Variants in SNX24 observed in about 807,000 individuals in gnomAD.
The protein encoded by SNX24 is sorting nexin-24.
In SNX24, 22 loss-of-function variants were observed where a neutral mutation model predicts 28.7. The observed-to-expected ratio is 0.77, with a 90% CI of 0.55 to 1.10. The LOEUF is 1.10. SNX24 is among the 50% of genes least tolerant of loss of function. The pLI is 0.00. For synonymous variants in SNX24, 69 were observed against 71.5 expected (o/e 0.96, Z 0.18); for missense variants, 221 against 201.1 (o/e 1.10, Z -0.60).
At position 123,001,458 on chromosome 5, in the gene SNX24, G is replaced by T. The variant is rs1228429414; in HGVS notation, c.377+21G>T. 3.9e-6 allele frequency: 6 copies of T among 1,535,324 alleles called. No homozygotes were observed. The African/African-American group carries it at 8.2e-5, about 21-fold the overall frequency. On this transcript the variant is annotated intron_variant, in intron 5 of 6. Coordinates refer to ENST00000261369, the MANE Select transcript of SNX24 (RefSeq NM_014035.4). ...TCAAGGTAAGGACTAATCCTCATCA[G>T]CCAGGAATAGGATTATGGTTTTGCT... is the stretch of plus-strand genomic sequence containing the variant.
chr5:122,910,429 A>T (rs1026584969), intron 1 of SNX24, among the ~76,000 whole-genome samples: 1 of 152,150 alleles, frequency 6.6e-6, no homozygotes, highest in Non-Finnish European at 1.5e-5. Flanking sequence ...TGCTCCTCCA[A>T]GGCCCAGCCT....
chr5:122,999,455 T>TAC (rs71928842), intron 3 of SNX24, among the ~76,000 whole-genome samples: 33,917 of 149,438 alleles, frequency 0.23, 4,196 homozygotes, highest in Non-Finnish European at 0.31. Context: ...TGTGGGGAGA[T>TAC]ACACACACAC....
intron 3 of SNX24, among the ~76,000 whole-genome samples, chr5:122,993,813 A>G (rs141250347): frequency 1.1e-3 from 169 of 152,334 alleles, no homozygotes; most frequent in South Asian, 7.9e-3. Flanking sequence ...TTTTAGCCGT[A>G]TCTCTGAAGT....
chr5:123,019,938 T>A (rs2150186731), intron 5 of SNX24, among the ~76,000 whole-genome samples: 1 of 152,384 alleles, frequency 6.6e-6, no homozygotes, highest in Non-Finnish European at 1.5e-5. Context: ...GGGATGTCCT[T>A]AGCTCTTGGT....
chr5:122,937,235 A>G (rs1759218208), intron 2 of SNX24, among the ~76,000 whole-genome samples: 1 of 152,234 alleles, frequency 6.6e-6, no homozygotes, highest in Non-Finnish European at 1.5e-5. Flanking sequence ...AAAAGATCAT[A>G]TACATGTACT....
chr5:122,939,925 A>G (rs1264848258), intron 2 of SNX24, among the ~76,000 whole-genome samples: 1 of 152,088 alleles, frequency 6.6e-6, no homozygotes, highest in African/African-American at 2.4e-5. Flanking sequence ...GTGTGTTCCT[A>G]CTTTTCTGTT....
At chr5:122,921,985 C>G (rs981868148) in intron 1 of SNX24, among the ~76,000 whole-genome samples, 5 of 152,058 alleles carry the variant, frequency 3.3e-5, no homozygotes, top group African/African-American at 1.2e-4. Flanking sequence ...TCCTTTTTCT[C>G]TCTCTCTCTT....
At chr5:122,953,296 G>C (rs897932971) in intron 3 of SNX24, among the ~76,000 whole-genome samples, 5 of 152,062 alleles carry the variant, frequency 3.3e-5, no homozygotes, top group African/African-American at 9.7e-5. Context: ...ATAGAAACAG[G>C]GTTTCGCCAT....
At chr5:122,932,364 G>A (rs374573902) in intron 1 of SNX24, among the ~76,000 whole-genome samples, 8 of 152,182 alleles carry the variant, frequency 5.3e-5, no homozygotes, top group East Asian at 1.9e-4. Flanking sequence ...AGAGCCAGGC[G>A]CAGTGGCATG....
intron 5 of SNX24, chr5:123,028,915 G>C: frequency 6.9e-7 from 1 of 1,454,972 alleles, no homozygotes; most frequent in Non-Finnish European, 9.6e-7. Flanking sequence ...AGGCCATACT[G>C]AAAGATAAAC....
intron 1 of SNX24, among the ~76,000 whole-genome samples, chr5:122,894,970 T>A (rs1757138176): frequency 7.4e-6 from 1 of 134,644 alleles, no homozygotes; most frequent in Admixed American, 7.6e-5. Flanking sequence ...CTACAAATGC[T>A]AAGTTTCAGT....
intron 3 of SNX24, among the ~76,000 whole-genome samples, chr5:122,978,094 T>A (rs950533260): frequency 6.6e-6 from 1 of 152,216 alleles, no homozygotes; most frequent in Non-Finnish European, 1.5e-5. Flanking sequence ...ACAAATAGCA[T>A]TACTCATTTT....
chr5:122,931,797 A>T (rs750671297), intron 1 of SNX24, among the ~76,000 whole-genome samples: 33 of 151,498 alleles, frequency 2.2e-4, no homozygotes, highest in Non-Finnish European at 4.0e-4. Context: ...TATTTATTAG[A>T]TACTTTTAAT....
intron 3 of SNX24, among the ~76,000 whole-genome samples, chr5:122,991,972 A>G (rs558446295): frequency 6.6e-6 from 1 of 152,364 alleles, no homozygotes; most frequent in Admixed American, 6.5e-5. Context: ...TATAATAGAA[A>G]AATATTGGGA....
intron 3 of SNX24, among the ~76,000 whole-genome samples, chr5:122,968,650 TGATGA>T (rs766889801): frequency 6.6e-6 from 1 of 152,136 alleles, no homozygotes; most frequent in Non-Finnish European, 1.5e-5. Flanking sequence ...AACCAGGTAT[TGATGA>T]GATAAGCTGA....
intron 1 of SNX24, among the ~76,000 whole-genome samples, chr5:122,891,434 A>G (rs1167470775): frequency 6.6e-6 from 1 of 152,204 alleles, no homozygotes; most frequent in African/African-American, 2.4e-5. Context: ...ATGGTTATCT[A>G]GGGAAAATGC....
At position 122,996,729 on chromosome 5, in the gene SNX24, A is replaced by G. The variant is rs777313757; in HGVS notation, c.250-3183A>G. 2.0e-5 allele frequency among the ~76,000 whole-genome samples: 3 copies of G among 152,198 alleles called. No homozygotes were observed. In the East Asian group the frequency reaches 5.8e-4, roughly 29 times the overall value. Reference sequence around the variant, plus strand: ...AACTCAGGTCTTCCTGAAAGCCCACATACTTCCTACTCCACACTGCCTCTC... The same window carrying G: ...AACTCAGGTCTTCCTGAAAGCCCACGTACTTCCTACTCCACACTGCCTCTC... On this transcript the variant is annotated intron_variant, in intron 3 of 6. Coordinates refer to ENST00000261369, the MANE Select transcript of SNX24 (RefSeq NM_014035.4).
chr5:122,857,731 G>A (rs1755265988), intron 1 of SNX24, among the ~76,000 whole-genome samples: 1 of 152,098 alleles, frequency 6.6e-6, no homozygotes. Context: ...TCCTGCAAAG[G>A]ACATTCTCTC....
chr5:122,847,988 G>A (rs531765005), intron 1 of SNX24, among the ~76,000 whole-genome samples: 1 of 152,088 alleles, frequency 6.6e-6, no homozygotes, highest in East Asian at 1.9e-4. Context: ...GAATATAGCA[G>A]CTTAAAAAAA....
Sources: gnomAD v4.1 joint callset for allele counts (sites outside exome capture counted in the v4.1 genomes callset) on GRCh38, gnomAD v4.1.1 for gene constraint, MANE v1.5 for transcripts, NCBI Gene and HGNC (gene_info 2026-07-23, HGNC 2026-07-21) for gene names.